Variants in SLC23A2 observed in about 807,000 individuals in gnomAD.
SLC23A2 encodes solute carrier family 23 member 2.
Under a neutral mutation model 73.3 loss-of-function variants are expected in SLC23A2, and 36 were observed. The ratio of observed to expected loss-of-function variants is 0.49; its 90% CI spans 0.38 to 0.65. The LOEUF is 0.65. SLC23A2 is among the 30% of genes least tolerant of loss of function. SLC23A2 has a pLI of 0.00. For missense variants in SLC23A2, 507 were observed against 841.6 expected (o/e 0.60, Z 4.92); for synonymous variants, 343 against 327.3 (o/e 1.05, Z -0.52).
chr20:4,952,550 T>C (rs2087219377), intron 2 of SLC23A2, among the ~76,000 whole-genome samples: 1 of 152,148 alleles, frequency 6.6e-6, no homozygotes, highest in South Asian at 2.1e-4. Context: ...TGAAGCTATA[T>C]TCCAACCAGG....
At chr20:4,941,150 T>C (rs2087034423) in intron 2 of SLC23A2, among the ~76,000 whole-genome samples, 3 of 150,082 alleles carry the variant, frequency 2.0e-5, no homozygotes, top group Admixed American at 2.0e-4. Context: ...AGCAAGACTC[T>C]GTCTCAAAAA....
intron 7 of SLC23A2, among the ~76,000 whole-genome samples, chr20:4,885,405 A>T (rs773181729): frequency 5.9e-5 from 9 of 152,222 alleles, no homozygotes; most frequent in Non-Finnish European, 1.2e-4. Flanking sequence ...AATGAAAGTC[A>T]TTTGCAGCAA....
At chr20:4,939,577 G>A (rs986985715) in intron 2 of SLC23A2, among the ~76,000 whole-genome samples, 2 of 152,212 alleles carry the variant, frequency 1.3e-5, no homozygotes, top group Admixed American at 1.3e-4. Flanking sequence ...ATCTGTATCA[G>A]CAGCTAGCTA....
At chr20:4,924,145 A>G (rs755500821) in intron 3 of SLC23A2, among the ~76,000 whole-genome samples, 8 of 151,956 alleles carry the variant, frequency 5.3e-5, no homozygotes, top group Admixed American at 2.6e-4. Flanking sequence ...TGCTAGGCAC[A>G]CCCATCAGGA....
intron 1 of SLC23A2, among the ~76,000 whole-genome samples, chr20:4,984,539 C>A (rs1047634812): frequency 7.3e-5 from 9 of 122,734 alleles, no homozygotes; most frequent in Non-Finnish European, 1.5e-4. Context: ...GGCAACAGAG[C>A]AAGACTCTGT....
Position 4,916,407 on chromosome 20 carries a change from A to G in SLC23A2, c.109-3429T>C, listed in dbSNP as rs8118604. Among the ~76,000 whole-genome samples, 1,462 of 152,336 alleles carry G rather than the reference A, an allele frequency of 9.6e-3. 29 individuals carry two copies. Among genetic ancestry groups the G allele is most frequent in the African/African-American group, 0.034 (1,406 of 41,582 alleles). ...TCTCGGGTTGCTGCAGGGAACAGCA[A>G]CTTTACCAGTAAGGGGTTTCCTTTG... On this transcript the variant is annotated intron_variant, in intron 3 of 16. Transcript: ENST00000338244.
At chr20:4,990,311 G>C (rs1434654715) in intron 1 of SLC23A2, among the ~76,000 whole-genome samples, 2 of 152,074 alleles carry the variant, frequency 1.3e-5, no homozygotes. Context: ...TTGAGGCTGG[G>C]AGCTGGAGGC....
At chr20:4,958,518 T>C (rs1018725495) in intron 2 of SLC23A2, among the ~76,000 whole-genome samples, 1 of 152,188 alleles carries the variant, frequency 6.6e-6, no homozygotes, top group Non-Finnish European at 1.5e-5. Context: ...ACAAAATACA[T>C]TTATCTAATT....
At chr20:4,898,983 C>T (rs1931648157) in intron 6 of SLC23A2, among the ~76,000 whole-genome samples, 1 of 152,128 alleles carries the variant, frequency 6.6e-6, no homozygotes, top group Non-Finnish European at 1.5e-5. Flanking sequence ...AGACAGCGGG[C>T]CCTTGGGAGT....
At position 4,872,312 on chromosome 20, in the gene SLC23A2, T is replaced by A. The variant is rs1189213118; in HGVS notation, c.1102+1624A>T. ...GACTATATCCCTGGAGGTGGCTTTC[T>A]AGCTATGGAGCTCTGGTACCCCACC... On this transcript the variant is annotated intron_variant, in intron 11 of 16. Transcript: ENST00000338244. The surrounding 1 kb of genome is among the most constrained non-coding windows in gnomAD (Gnocchi z 4.4). 1.4e-5 allele frequency among the ~76,000 whole-genome samples: 2 copies of A among 147,826 alleles called. No homozygotes were observed. The highest frequency in any genetic ancestry group is 5.1e-5 in the African/African-American group (2 of 39,240).
chr20:4,988,242 C>T (rs1323348250), intron 1 of SLC23A2, among the ~76,000 whole-genome samples: 11 of 151,696 alleles, frequency 7.3e-5, no homozygotes, highest in Admixed American at 7.2e-4. Context: ...GCGGAGGTTG[C>T]AGTGAGCCAA....
At chr20:4,869,597 T>C (rs1930356519) in intron 12 of SLC23A2, 1 of 280,542 alleles carries the variant, frequency 3.6e-6, no homozygotes, top group Non-Finnish European at 6.8e-6. Flanking sequence ...GTGCTTGGCA[T>C]GTGGTTTTTG....
At chr20:4,944,102 T>C (rs776515503) in intron 2 of SLC23A2, among the ~76,000 whole-genome samples, 2 of 152,222 alleles carry the variant, frequency 1.3e-5, no homozygotes, top group Non-Finnish European at 2.9e-5. Context: ...ACTTGCTCTA[T>C]GTAAACACTA....
intron 12 of SLC23A2, 25 bp downstream of exon 12, chr20:4,869,881 G>A (rs755598133): frequency 6.2e-7 from 1 of 1,601,712 alleles, no homozygotes; most frequent in Non-Finnish European, 8.5e-7. Context: ...GGACCAATCA[G>A]GAACTTGTCT....
At chr20:4,904,208 G>A (rs1308534162) in intron 4 of SLC23A2, among the ~76,000 whole-genome samples, 1 of 152,200 alleles carries the variant, frequency 6.6e-6, no homozygotes, top group Non-Finnish European at 1.5e-5. Context: ...AGTAATTAAA[G>A]TTAGCCACAT....
At position 4,983,629 on chromosome 20, in the gene SLC23A2, A is replaced by G. The variant is rs578053624; in HGVS notation, c.-281-12710T>C. Among the ~76,000 whole-genome samples the G allele has an allele frequency of 1.3e-3, 196 of 147,674 alleles. 1 individual carries two copies. In the Middle Eastern group the frequency reaches 0.018, roughly 13 times the overall value. ...CCACTGCACTCCAGCCTGGGTGACA[A>G]AGCAAGACTCCGTCTTTAAAAAAAA... On this transcript the variant is annotated intron_variant, in intron 1 of 16. Transcript: ENST00000338244.
Position 4,859,277 on chromosome 20 carries a change from T to C in SLC23A2, c.1720+12A>G, listed in dbSNP as rs1364182235. Reference sequence around the variant, plus strand: ...AAAAAAAAAAAAAGTGTGTTTGATATATACCACGTACCTGGGATGGTGTTA... The same window carrying C: ...AAAAAAAAAAAAAGTGTGTTTGATACATACCACGTACCTGGGATGGTGTTA... On this transcript the variant is annotated intron_variant, in intron 16 of 16. Coordinates refer to ENST00000338244, the MANE Select transcript of SLC23A2 (RefSeq NM_005116.6). The C allele has an allele frequency of 6.7e-7, 1 of 1,484,312 alleles. No individual in the cohort carries two copies. Among genetic ancestry groups the C allele is most frequent in the Non-Finnish European group, 9.4e-7 (1 of 1,066,792 alleles). 91.9% of individuals were successfully genotyped at this position (1,484,312 alleles called of 1,614,324 possible). A position where few individuals can be genotyped will look rare whatever the true frequency, so the allele number is the denominator to read the frequency against.
intron 2 of SLC23A2, among the ~76,000 whole-genome samples, chr20:4,937,321 C>T (rs1226221908): frequency 3.3e-5 from 5 of 152,180 alleles, no homozygotes; most frequent in Middle Eastern, 3.4e-3. Flanking sequence ...TGTGCCAACC[C>T]GTGGTCCCTC....
rs72552230 is a variant in SLC23A2, at chr20:4,856,885, T to C, written c.*87A>G. 1.9e-5 allele frequency: 16 copies of C among 833,668 alleles called. No individual in the cohort carries two copies. The highest frequency in any genetic ancestry group is 1.5e-4 in the East Asian group (6 of 41,280). The allele number at this position is 833,668 out of a possible 1,614,324, so 51.6% of individuals were successfully genotyped here. ...GGGGCGCAGAATGTAAATGTAGATA[T>C]ACAAACATGTATTTTACTTCTTGTT... On this transcript the variant is annotated 3_prime_UTR_variant, in exon 17 of 17. Transcript: ENST00000338244. This position sits in a 1 kb window ranked among gnomAD's most constrained non-coding sequence, Gnocchi z 4.6.
Sources: gnomAD v4.1 joint callset for allele counts (sites outside exome capture counted in the v4.1 genomes callset) on GRCh38, gnomAD v4.1.1 for gene constraint, Gnocchi (gnomAD v3.1) non-coding constraint, MANE v1.5 for transcripts, NCBI Gene and HGNC (gene_info 2026-07-23, HGNC 2026-07-21) for gene names.